Variants in SBF2 observed in about 807,000 individuals in gnomAD.
The protein encoded by SBF2 is SET binding factor 2, also known as myotubularin-related protein 13.
In SBF2, 112 loss-of-function variants were observed where a neutral mutation model predicts 225.2. That is an observed-to-expected ratio of 0.50 (90% CI 0.43 to 0.58). SBF2 has a LOEUF of 0.58. SBF2 is among the 20% of genes least tolerant of loss of function. SBF2 has a pLI of 0.00. For missense variants in SBF2, 1,996 were observed against 2,206.2 expected, an observed-to-expected ratio of 0.90 and a Z score of 1.91; for synonymous variants, 763 against 773.3, an observed-to-expected ratio of 0.99 and a Z score of 0.22.
At chr11:9,840,104 G>A (rs1301150958) in intron 25 of SBF2, among the ~76,000 whole-genome samples, 3 of 152,036 alleles carry the variant, frequency 2.0e-5, no homozygotes, top group African/African-American at 7.2e-5. Flanking sequence ...TGTGGCGGCA[G>A]GCACCTGTAA....
At chr11:9,959,784 C>A in intron 16 of SBF2, 4 of 630,618 alleles carry the variant, frequency 6.3e-6, no homozygotes, top group South Asian at 5.5e-5. Context: ...CTGAGATGGT[C>A]ATGGTGGAAG....
At chr11:10,175,443 A>C (rs1389646785) in intron 2 of SBF2, among the ~76,000 whole-genome samples, 1 of 150,766 alleles carries the variant, frequency 6.6e-6, no homozygotes, top group African/African-American at 2.4e-5. Context: ...AAAGGGATCA[A>C]TTCAACAAGA....
At position 9,870,932 on chromosome 11, in the gene SBF2, C is replaced by G. The variant is rs1858676566; in HGVS notation, c.1930-12536G>C. Among the ~76,000 whole-genome samples the G allele has an allele frequency of 3.3e-5, 5 of 150,920 alleles. No individual in the cohort carries two copies. The South Asian group carries it at 6.3e-4, about 19-fold the overall frequency. On this transcript the variant is annotated intron_variant, in intron 17 of 39. Transcript: ENST00000256190. ...GAGGTTGCAGTGAGCCGAGATCACG[C>G]CACTGCACTCCAGCCTGCCAACAGA...
intron 2 of SBF2, among the ~76,000 whole-genome samples, chr11:10,119,396 G>T (rs951102570): frequency 6.6e-6 from 1 of 152,058 alleles, no homozygotes; most frequent in Non-Finnish European, 1.5e-5. Context: ...AACAATAAAG[G>T]CATAAGCAAC....
intron 1 of SBF2, among the ~76,000 whole-genome samples, chr11:10,197,888 GT>G (rs1255658345): frequency 6.6e-6 from 1 of 152,174 alleles, no homozygotes; most frequent in East Asian, 1.9e-4. Flanking sequence ...TCTGTTAAAG[GT>G]TTTATCGTGA....
At chr11:10,003,124 A>G (rs1183685192) in intron 6 of SBF2, among the ~76,000 whole-genome samples, 1 of 152,214 alleles carries the variant, frequency 6.6e-6, no homozygotes, top group Admixed American at 6.5e-5. Flanking sequence ...CTTCTTGTAA[A>G]CAGCATACAC....
intron 13 of SBF2, among the ~76,000 whole-genome samples, chr11:9,974,694 T>C (rs61877007): frequency 0.36 from 52,152 of 146,520 alleles, 10,075 homozygotes; most frequent in Non-Finnish European, 0.44. Flanking sequence ...ACCAGCCGGG[T>C]GCAGTAGCTC....
intron 6 of SBF2, among the ~76,000 whole-genome samples, chr11:10,007,499 C>T (rs763894696): frequency 5.3e-5 from 8 of 152,258 alleles, no homozygotes; most frequent in South Asian, 4.1e-4. Context: ...TTTACTTTGC[C>T]GCCAGCAGGG....
intron 1 of SBF2, among the ~76,000 whole-genome samples, chr11:10,226,484 C>A (rs1958559382): frequency 6.7e-6 from 1 of 149,928 alleles, no homozygotes; most frequent in African/African-American, 2.5e-5. Context: ...TCCCCCCTCC[C>A]CAACCCCACA....
chr11:10,124,226 C>T (rs1953628595), intron 2 of SBF2, among the ~76,000 whole-genome samples: 1 of 152,058 alleles, frequency 6.6e-6, no homozygotes, highest in Admixed American at 6.5e-5. Context: ...AGGTAATCAA[C>T]CTTTGTATCT....
intron 1 of SBF2, among the ~76,000 whole-genome samples, chr11:10,227,781 T>C (rs1422886186): frequency 6.6e-6 from 1 of 152,140 alleles, no homozygotes; most frequent in Non-Finnish European, 1.5e-5. Flanking sequence ...TTCTTTTGGC[T>C]TAGGATTGAC....
chr11:10,243,670 G>C (rs1959465102), intron 1 of SBF2, among the ~76,000 whole-genome samples: 1 of 152,052 alleles, frequency 6.6e-6, no homozygotes, highest in Admixed American at 6.5e-5. Context: ...AGACGATTGT[G>C]TACAATTATA....
intron 33 of SBF2, 96 bp from the exon 34 acceptor site, chr11:9,790,779 T>A: frequency 1.1e-6 from 1 of 935,142 alleles, no homozygotes; most frequent in Non-Finnish European, 1.7e-6. Flanking sequence ...AGTGGAATAT[T>A]TTTTATGGCT....
intron 16 of SBF2, among the ~76,000 whole-genome samples, chr11:9,912,439 G>T (rs1862714518): frequency 6.6e-6 from 1 of 151,598 alleles, no homozygotes; most frequent in South Asian, 2.1e-4. Flanking sequence ...ACAAAAATTA[G>T]CTGGGTGTAG....
intron 26 of SBF2, 26 bp from the exon 27 acceptor site, chr11:9,832,446 G>A (rs757745279): frequency 3.9e-6 from 6 of 1,548,084 alleles, no homozygotes; most frequent in South Asian, 1.1e-5. Flanking sequence ...ATAGAGAAGA[G>A]AATGATTGGG....
At chr11:10,217,938 C>CACCCA (rs1958190174) in intron 1 of SBF2, among the ~76,000 whole-genome samples, 6 of 151,932 alleles carry the variant, frequency 3.9e-5, no homozygotes, top group African/African-American at 1.5e-4. Flanking sequence ...CTCGCTCTGT[C>CACCCA]GCCCAGGCTG....
intron 16 of SBF2, among the ~76,000 whole-genome samples, chr11:9,922,081 T>A (rs1211127065): frequency 1.3e-5 from 2 of 151,922 alleles, no homozygotes; most frequent in South Asian, 2.1e-4. Flanking sequence ...ACTCCGATTG[T>A]ACAAAAAACT....
chr11:9,865,649 C>T (rs1048694423), intron 17 of SBF2, among the ~76,000 whole-genome samples: 9 of 135,560 alleles, frequency 6.6e-5, no homozygotes, highest in Non-Finnish European at 1.4e-4. Context: ...CAAGATTGTG[C>T]CACTGCACTC....
chr11:9,988,655 C>T (rs1446239361), intron 13 of SBF2, among the ~76,000 whole-genome samples: 2 of 152,090 alleles, frequency 1.3e-5, no homozygotes. Flanking sequence ...TGAAAAAATG[C>T]TCAACATCAC....
Sources: allele counts gnomAD v4.1 joint callset (sites outside exome capture counted in the v4.1 genomes callset), GRCh38; gene constraint gnomAD v4.1.1; transcripts MANE v1.5; gene names NCBI Gene and HGNC (gene_info 2026-07-23, HGNC 2026-07-21).